The following ARHGAP28 variants were observed in gnomAD, a reference collection of about 807,000 sequenced individuals.
ARHGAP28 encodes the protein rho GTPase-activating protein 28.
ARHGAP28 carries 56 observed loss-of-function variants against 90.7 expected under a neutral mutation model. That is an observed-to-expected ratio of 0.62 (90% CI 0.50 to 0.77). The LOEUF is 0.77. Among genes scored for constraint, ARHGAP28 ranks in the 30% least tolerant of loss-of-function variants. The pLI is 0.00. For missense variants in ARHGAP28, 869 were observed against 900.9 expected, an observed-to-expected ratio of 0.96 and a Z score of 0.45; for synonymous variants, 308 against 323.3, an observed-to-expected ratio of 0.95 and a Z score of 0.51.
At chr18:6,766,416 AC>A (rs1438028004) in intron 1 of ARHGAP28, among the ~76,000 whole-genome samples, 64 of 151,172 alleles carry the variant, frequency 4.2e-4, no homozygotes, top group Non-Finnish European at 2.7e-4. Flanking sequence ...TGCTGCTGAG[AC>A]CTCCTTTCCA....
At chr18:6,793,169 CACTT>C (rs1698393935) in intron 1 of ARHGAP28, among the ~76,000 whole-genome samples, 1 of 152,182 alleles carries the variant, frequency 6.6e-6, no homozygotes. Context: ...ATAATTAACA[CACTT>C]ACGAGACACA....
intron 3 of ARHGAP28, among the ~76,000 whole-genome samples, chr18:6,849,431 G>T (rs1357549404): frequency 1.3e-5 from 2 of 152,098 alleles, no homozygotes; most frequent in East Asian, 1.9e-4. Context: ...GATGATGAAG[G>T]AGAGTATAAT....
At chr18:6,814,307 C>T (rs554691352) in intron 1 of ARHGAP28, among the ~76,000 whole-genome samples, 4 of 152,248 alleles carry the variant, frequency 2.6e-5, no homozygotes, top group African/African-American at 9.6e-5. Context: ...CTCTGTAAAG[C>T]CCATCCACCT....
At chr18:6,845,466 G>T (rs2056859121) in intron 3 of ARHGAP28, among the ~76,000 whole-genome samples, 1 of 152,088 alleles carries the variant, frequency 6.6e-6, no homozygotes, top group Non-Finnish European at 1.5e-5. Context: ...GGATGTGCAG[G>T]TTTGTTACCT....
At chr18:6,742,057 C>T (rs1010883671) in intron 1 of ARHGAP28, among the ~76,000 whole-genome samples, 1 of 151,930 alleles carries the variant, frequency 6.6e-6, no homozygotes, top group Non-Finnish European at 1.5e-5. Context: ...TGGAAGGGAC[C>T]GAAGGATTCC....
intron 1 of ARHGAP28, among the ~76,000 whole-genome samples, chr18:6,766,075 T>C (rs2056197915): frequency 6.6e-6 from 1 of 152,196 alleles, no homozygotes; most frequent in Non-Finnish European, 1.5e-5. Flanking sequence ...CTAAAAAGAA[T>C]GTGTGGGATG....
chr18:6,910,581 AT>A (rs1337209749), intron 17 of ARHGAP28, among the ~76,000 whole-genome samples: 1 of 151,996 alleles, frequency 6.6e-6, no homozygotes, highest in Non-Finnish European at 1.5e-5. Context: ...TTGCGGATAA[AT>A]CAGCCTCTCA....
chr18:6,840,887 G>A (rs955995386), intron 3 of ARHGAP28, among the ~76,000 whole-genome samples: 3 of 152,132 alleles, frequency 2.0e-5, no homozygotes, highest in Non-Finnish European at 4.4e-5. Flanking sequence ...CCTTGTCAGA[G>A]ATGTAAAAAG....
intron 1 of ARHGAP28, among the ~76,000 whole-genome samples, chr18:6,776,776 T>C (rs1000961893): frequency 2.6e-5 from 4 of 152,108 alleles, no homozygotes; most frequent in Non-Finnish European, 5.9e-5. Context: ...AGATCGGAGA[T>C]TCAATCCACA....
chr18:6,873,316 T>C, intron 7 of ARHGAP28, 93 bp from the exon 8 acceptor site: 1 of 1,052,744 alleles, frequency 9.5e-7, no homozygotes, highest in Non-Finnish European at 1.4e-6. Flanking sequence ...CACGTTCTAC[T>C]GCATAGATTT....
chr18:6,730,059 T>G, intron 1 of ARHGAP28, 116 bp downstream of exon 1: 1 of 1,101,128 alleles, frequency 9.1e-7, no homozygotes, highest in Non-Finnish European at 1.2e-6. Flanking sequence ...TTGTTTCAAG[T>G]TTTGGTGGAC....
intron 1 of ARHGAP28, among the ~76,000 whole-genome samples, chr18:6,776,770 C>T (rs905254110): frequency 3.3e-5 from 5 of 152,052 alleles, no homozygotes; most frequent in East Asian, 1.9e-4. Context: ...GGTGGTAGAT[C>T]GGAGATTCAA....
chr18:6,737,336 G>C (rs938702267), intron 1 of ARHGAP28, among the ~76,000 whole-genome samples: 1 of 152,086 alleles, frequency 6.6e-6, no homozygotes, highest in African/African-American at 2.4e-5. Context: ...ATTGAGATGT[G>C]TAAGTTTGCT....
At position 6,864,906 on chromosome 18, in the gene ARHGAP28, A is replaced by G. The variant is rs56848184; in HGVS notation, c.727-3244A>G. On this transcript the variant is annotated intron_variant, in intron 5 of 17. Coordinates refer to ENST00000383472, the MANE Select transcript of ARHGAP28 (RefSeq NM_001366230.1). ...TGCTATATTGCCCAGGCAGAACTTT[A>G]TTTTTTAGAGCAGTTTCAGGTTCGC... Among the ~76,000 whole-genome samples the G allele has an allele frequency of 0.024, 3,631 of 151,984 alleles. 246 individuals are homozygous for G. The East Asian group carries it at 0.28, about 12-fold the overall frequency.
chr18:6,781,655 C>T (rs773575637), intron 1 of ARHGAP28, among the ~76,000 whole-genome samples: 9 of 152,118 alleles, frequency 5.9e-5, no homozygotes, highest in Admixed American at 2.0e-4. Flanking sequence ...TCCCAAACTT[C>T]GTGGAGAAGC....
chr18:6,741,180 C>T (rs2055974261), intron 1 of ARHGAP28, among the ~76,000 whole-genome samples: 1 of 152,158 alleles, frequency 6.6e-6, no homozygotes, highest in Non-Finnish European at 1.5e-5. Flanking sequence ...AAATTACTGA[C>T]CTCAACAGAG....
chr18:6,835,862 T>TA (rs910706077), intron 2 of ARHGAP28, among the ~76,000 whole-genome samples: 16 of 151,886 alleles, frequency 1.1e-4, no homozygotes, highest in African/African-American at 1.4e-4. Context: ...TACATTGATT[T>TA]AAAAAAAAAT....
At chr18:6,825,771 G>T (rs1233496837) in intron 2 of ARHGAP28, among the ~76,000 whole-genome samples, 3 of 152,146 alleles carry the variant, frequency 2.0e-5, no homozygotes, top group African/African-American at 7.2e-5. Flanking sequence ...TCTCATTGCT[G>T]CAAAGGACAT....
intron 10 of ARHGAP28, among the ~76,000 whole-genome samples, chr18:6,879,355 A>T (rs1277257473): frequency 2.0e-5 from 3 of 152,168 alleles, no homozygotes; most frequent in Non-Finnish European, 4.4e-5. Context: ...TAGGCTGGTC[A>T]TTTGCATTTG....
Sources: gnomAD v4.1 joint callset for allele counts (sites outside exome capture counted in the v4.1 genomes callset) on GRCh38, gnomAD v4.1.1 for gene constraint, MANE v1.5 for transcripts, NCBI Gene and HGNC (gene_info 2026-07-23, HGNC 2026-07-21) for gene names.